SASH1: variants seen among roughly 807,000 people sequenced by gnomAD.
SASH1 encodes the protein SAM and SH3 domain-containing protein 1.
In SASH1, 44 loss-of-function variants were observed where a neutral mutation model predicts 125.2. The observed-to-expected ratio is 0.35, with a 90% CI of 0.28 to 0.45. The LOEUF is 0.45. Among genes scored for constraint, SASH1 ranks in the 20% least tolerant of loss-of-function variants. The probability of loss-of-function intolerance (pLI) is 1.00; values close to 1 mark genes in which losing one functional copy is unlikely to be tolerated. For missense variants in SASH1, 1,426 were observed against 1,614.5 expected (o/e 0.88, Z 2.00); for synonymous variants, 639 against 649.1 (o/e 0.98, Z 0.24).
chr6:148,507,753 G>A (rs1436440987), intron 8 of SASH1, among the ~76,000 whole-genome samples: 1 of 152,166 alleles, frequency 6.6e-6, no homozygotes. Flanking sequence ...TGAGTCCTGT[G>A]TAGCTAGGTA....
chr6:148,282,455 C>T (rs528578109), intron 1 of SASH1, among the ~76,000 whole-genome samples: 1 of 152,092 alleles, frequency 6.6e-6, no homozygotes, highest in African/African-American at 2.4e-5. Context: ...GATCTTGGCT[C>T]ACTGCAACCT....
intron 4 of SASH1, among the ~76,000 whole-genome samples, chr6:148,465,271 G>A (rs1051706049): frequency 8.5e-5 from 13 of 152,230 alleles, no homozygotes; most frequent in African/African-American, 3.1e-4. Context: ...TCTAGTCCTG[G>A]CCGGTCACGG....
rs1781378067 is a variant in SASH1, at chr6:148,529,368, C to T, written c.1428+1772C>T. Among the ~76,000 whole-genome samples, 1 of 152,230 alleles carries T rather than the reference C, an allele frequency of 6.6e-6. No homozygotes were observed. The highest frequency in any genetic ancestry group is 1.5e-5 in the Non-Finnish European group (1 of 68,048). On this transcript the variant is annotated intron_variant, in intron 12 of 19. Transcript: ENST00000367467. This position sits in a 1 kb window ranked among gnomAD's most constrained non-coding sequence, Gnocchi z 4.2. ...TGTTAGACCTGCAGGAGATAGATGT[C>T]TGGACTGCCTTCAGCATGTCTTATC...
intron 10 of SASH1, among the ~76,000 whole-genome samples, chr6:148,524,121 A>ATATATATATATATATATATTTT (rs1193506716): frequency 7.8e-6 from 1 of 128,608 alleles, no homozygotes; most frequent in Non-Finnish European, 1.6e-5. Context: ...ATATATATAT[A>ATATATATATATATATATATTTT]TTTTTTTTAA....
At chr6:148,389,820 CTT>C (rs1783626027) in intron 1 of SASH1, among the ~76,000 whole-genome samples, 1 of 152,214 alleles carries the variant, frequency 6.6e-6, no homozygotes, top group Admixed American at 6.5e-5. Flanking sequence ...GGATTGAAGA[CTT>C]TGGTGTTGGC....
intron 1 of SASH1, among the ~76,000 whole-genome samples, chr6:148,331,834 G>A (rs1303721024): frequency 6.6e-6 from 1 of 152,070 alleles, no homozygotes; most frequent in Non-Finnish European, 1.5e-5. Context: ...TAGGACTACA[G>A]GGACATGCTA....
chr6:148,527,314 A>G, intron 11 of SASH1, 139 bp from the exon 12 acceptor site: 1 of 677,488 alleles, frequency 1.5e-6, no homozygotes, highest in Non-Finnish European at 2.3e-6. Flanking sequence ...AAATAATAGC[A>G]CTGAGTTAAC....
At chr6:148,507,358 TTTGTTGTTG>T (rs140530862) in intron 8 of SASH1, among the ~76,000 whole-genome samples, 5 of 150,514 alleles carry the variant, frequency 3.3e-5, no homozygotes, top group South Asian at 2.1e-4. Flanking sequence ...CCAATTCCCT[TTTGTTGTTG>T]TTGTTGTTGT....
the SASH1 span, among the ~76,000 whole-genome samples, chr6:148,246,285 C>T: frequency 5.3e-5 from 8 of 152,070 alleles, no homozygotes; most frequent in Non-Finnish European, 1.5e-5. Context: ...ATGTATTTTC[C>T]TCTGGCAATT....
intron 8 of SASH1, chr6:148,513,310 G>A (rs527821892): frequency 9.9e-5 from 98 of 985,428 alleles, no homozygotes; most frequent in African/African-American, 6.3e-4. Context: ...CAGGGCGTGC[G>A]ACGTGAGCTG....
chr6:148,309,530 G>A (rs1780243819), intron 1 of SASH1, among the ~76,000 whole-genome samples: 1 of 152,088 alleles, frequency 6.6e-6, no homozygotes, highest in Non-Finnish European at 1.5e-5. Context: ...CCTGCCCACT[G>A]GTCAGAACAG....
intron 2 of SASH1, among the ~76,000 whole-genome samples, chr6:148,425,220 A>G (rs1330027885): frequency 6.6e-6 from 1 of 152,296 alleles, no homozygotes; most frequent in East Asian, 1.9e-4. Flanking sequence ...CTGCATGCAC[A>G]AGGCTGCACG....
intron 1 of SASH1, among the ~76,000 whole-genome samples, chr6:148,361,654 T>G (rs1253531603): frequency 6.6e-6 from 1 of 151,732 alleles, no homozygotes; most frequent in Non-Finnish European, 1.5e-5. Flanking sequence ...CCAGGTTTCC[T>G]ACCTTGCACA....
chr6:148,210,015 G>A, the SASH1 span, among the ~76,000 whole-genome samples: 1 of 152,132 alleles, frequency 6.6e-6, no homozygotes, highest in Non-Finnish European at 1.5e-5. Context: ...GTAAGCAAAA[G>A]CCCTACATAA....
chr6:148,479,490 C>G (rs1778518359), intron 7 of SASH1: 1 of 174,484 alleles, frequency 5.7e-6, no homozygotes, highest in South Asian at 1.4e-4. Context: ...TAAAAAGTAG[C>G]CTTAAAGTAG....
chr6:148,446,344 A>C (rs181781517), intron 4 of SASH1, among the ~76,000 whole-genome samples: 6 of 151,922 alleles, frequency 3.9e-5, no homozygotes, highest in African/African-American at 1.2e-4. Flanking sequence ...TCCTGACCTC[A>C]TGATCCGCCC....
chr6:148,256,757 A>T, the SASH1 span, among the ~76,000 whole-genome samples: 2 of 152,206 alleles, frequency 1.3e-5, 1 homozygote, highest in South Asian at 4.1e-4. Context: ...CTGCATCTTG[A>T]TTATGGTATG....
In SASH1 at chr6:148,531,625, A is replaced by G. The variant is rs1781524840; in HGVS notation, c.1528A>G (p.Ser510Gly). The change falls in exon 13 of 20, where the codon AGT becomes GGT. Residue 510 changes from serine (S) to glycine (G), a missense_variant. Transcript: ENST00000367467. ...PKLKAGGSVE[S>G]LRSSLSGQSS... The stretch of plus-strand genomic sequence containing the variant: ...GCTCAAGGCCGGGGGTTCTGTAGAA[A>G]GTCTTCGCAGTTCTCTCAGTGGGCA... The G allele has an allele frequency of 6.4e-7, 1 of 1,567,732 alleles. No homozygotes were observed. Among genetic ancestry groups the G allele is most frequent in the African/African-American group, 1.4e-5 (1 of 72,482 alleles).
chr6:148,230,654 C>T, the SASH1 span, among the ~76,000 whole-genome samples: 1 of 152,128 alleles, frequency 6.6e-6, no homozygotes, highest in Non-Finnish European at 1.5e-5. Flanking sequence ...CGAATTTTTC[C>T]ACATTCTTGT....
Sources: allele counts gnomAD v4.1 joint callset (sites outside exome capture counted in the v4.1 genomes callset), GRCh38; gene constraint gnomAD v4.1.1; non-coding constraint Gnocchi (gnomAD v3.1); transcripts MANE v1.5; gene names NCBI Gene and HGNC (gene_info 2026-07-23, HGNC 2026-07-21).